The following NTN1 variants were observed in gnomAD, a reference collection of about 807,000 sequenced individuals.
The protein encoded by NTN1 is netrin-1.
In NTN1, 11 loss-of-function variants were observed where a neutral mutation model predicts 54.2. The observed-to-expected ratio is 0.20, with a 90% CI of 0.13 to 0.34. The LOEUF is 0.34. NTN1 is among the 10% of genes least tolerant of loss of function. NTN1 has a pLI of 1.00. For synonymous variants in NTN1, 371 were observed against 382.0 expected (o/e 0.97, Z 0.33); for missense variants, 740 against 893.1 (o/e 0.83, Z 2.18).
Position 9,150,700 on chromosome 17 carries a change from C to T in NTN1, c.1019-12113C>T, listed in dbSNP as rs57915303. Among the ~76,000 whole-genome samples the T allele has an allele frequency of 4.6e-3, 702 of 151,704 alleles. 4 individuals carry two copies. The highest frequency in any genetic ancestry group is 0.016 in the African/African-American group (672 of 41,328). ...TTGCAGCAAGGGCCTGGGACATGTT[C>T]GTTAGGAGGGGATTGTTTCAAAGCC... On this transcript the variant is annotated intron_variant, in intron 2 of 6. Transcript: ENST00000173229.
chr17:9,128,299 G>A (rs1193275761), intron 2 of NTN1, among the ~76,000 whole-genome samples: 1 of 128,814 alleles, frequency 7.8e-6, no homozygotes, highest in South Asian at 3.1e-4. Flanking sequence ...AACACAGTGA[G>A]ACTCTGTCTC....
chr17:9,048,571 C>T (rs1363117795), intron 2 of NTN1, among the ~76,000 whole-genome samples: 7 of 152,156 alleles, frequency 4.6e-5, no homozygotes, highest in Non-Finnish European at 4.4e-5. Context: ...GCATTGACTT[C>T]TCCTCTGTAT....
At chr17:9,126,462 A>T (rs897264715) in intron 2 of NTN1, among the ~76,000 whole-genome samples, 1 of 73,498 alleles carries the variant, frequency 1.4e-5, no homozygotes, top group Non-Finnish European at 2.6e-5. Context: ...GTGAGCCGAG[A>T]TCGTGCCATT....
chr17:9,092,078 C>T (rs965016496), intron 2 of NTN1, among the ~76,000 whole-genome samples: 12 of 151,834 alleles, frequency 7.9e-5, no homozygotes, highest in Non-Finnish European at 1.5e-4. Flanking sequence ...TTAGTAGAGA[C>T]GGGGTTTCAC....
chr17:9,016,048 TGG>T, the NTN1 span, among the ~76,000 whole-genome samples: 1 of 151,642 alleles, frequency 6.6e-6, no homozygotes, highest in Non-Finnish European at 1.5e-5. Flanking sequence ...CACTCCAGCC[TGG>T]GCGACAAGAG....
At chr17:9,105,660 TTCTCTCTCTC>T (rs72039051) in intron 2 of NTN1, among the ~76,000 whole-genome samples, 1 of 142,000 alleles carries the variant, frequency 7.0e-6, no homozygotes, top group Non-Finnish European at 1.6e-5. Flanking sequence ...CTCTCTCTCT[TTCTCTCTCTC>T]TCTCTCTCTC....
chr17:9,189,541 G>A (rs947308659), intron 5 of NTN1, among the ~76,000 whole-genome samples: 1 of 151,982 alleles, frequency 6.6e-6, no homozygotes. Context: ...TAGTAGAGAC[G>A]GGGTTTCACC....
intron 2 of NTN1, among the ~76,000 whole-genome samples, chr17:9,156,228 G>A (rs1235512195): frequency 2.7e-5 from 4 of 146,050 alleles, no homozygotes; most frequent in Non-Finnish European, 4.5e-5. Flanking sequence ...GATGGTGCCT[G>A]CGTGAGTTGG....
chr17:9,035,840 A>G (rs2091901716), intron 2 of NTN1, among the ~76,000 whole-genome samples: 1 of 152,074 alleles, frequency 6.6e-6, no homozygotes, highest in Non-Finnish European at 1.5e-5. Flanking sequence ...TGGCCAACAT[A>G]TTGAAACCCC....
chr17:9,136,411 T>G (rs2092281567), intron 2 of NTN1, among the ~76,000 whole-genome samples: 1 of 152,066 alleles, frequency 6.6e-6, no homozygotes, highest in Admixed American at 6.6e-5. Context: ...CCGTCTCTAC[T>G]AAAACAAATA....
At chr17:9,085,224 C>T (rs2092086375) in intron 2 of NTN1, among the ~76,000 whole-genome samples, 1 of 152,166 alleles carries the variant, frequency 6.6e-6, no homozygotes, top group African/African-American at 2.4e-5. Flanking sequence ...GATTGTCATC[C>T]AGAGCAGAAC....
intron 2 of NTN1, among the ~76,000 whole-genome samples, chr17:9,089,734 G>A (rs954789149): frequency 2.0e-5 from 3 of 152,134 alleles, no homozygotes; most frequent in Non-Finnish European, 2.9e-5. Flanking sequence ...CAAACACCAC[G>A]GCACTGGAGA....
intron 3 of NTN1, chr17:9,174,280 C>T (rs2092394527): frequency 6.6e-6 from 1 of 152,482 alleles, no homozygotes; most frequent in Admixed American, 6.5e-5. Flanking sequence ...GTGGTGACTT[C>T]CACAGGGAGC....
At chr17:9,021,472 G>C (rs2091847236), upstream of NTN1, 1 of 151,788 alleles carries the variant, frequency 6.6e-6, no homozygotes, top group Admixed American at 6.6e-5. Flanking sequence ...CCCGCCCGGC[G>C]GCCCCGCCCC....
chr17:9,224,108 C>G (rs1905455880), intron 6 of NTN1, among the ~76,000 whole-genome samples: 1 of 152,186 alleles, frequency 6.6e-6, no homozygotes, highest in African/African-American at 2.4e-5. Flanking sequence ...CAAAACTGAT[C>G]CTGTGTTCCA....
intron 2 of NTN1, among the ~76,000 whole-genome samples, chr17:9,061,629 T>C (rs1005811415): frequency 9.9e-5 from 15 of 152,178 alleles, no homozygotes; most frequent in Non-Finnish European, 2.2e-4. Flanking sequence ...TCTGTCCACA[T>C]TTGGAGAACC....
At chr17:9,231,380 G>A (rs11652483) in intron 6 of NTN1, among the ~76,000 whole-genome samples, 48,907 of 152,046 alleles carry the variant, frequency 0.32, 8,117 homozygotes, top group South Asian at 0.37. Flanking sequence ...CAGTTCATCC[G>A]GCAGCGCTCA....
intron 4 of NTN1, among the ~76,000 whole-genome samples, chr17:9,181,867 G>A (rs1319024967): frequency 1.3e-5 from 2 of 152,240 alleles, no homozygotes; most frequent in Non-Finnish European, 1.5e-5. Context: ...GAGCTTCAGT[G>A]CCAGGCTGCT....
rs533757555 is a variant in NTN1 at position 9,221,153 on chromosome 17, C to A, written c.1412-15C>A. 401 of 1,553,702 alleles carry A rather than the reference C, an allele frequency of 2.6e-4. 11 individuals carry two copies. In the South Asian group the frequency reaches 4.4e-3, roughly 17 times the overall value. On this transcript the variant is annotated splice_polypyrimidine_tract_variant and intron_variant, in intron 5 of 6. Transcript: ENST00000173229. This position sits in a 1 kb window ranked among gnomAD's most constrained non-coding sequence, Gnocchi z 4.5. The stretch of plus-strand genomic sequence containing the variant: ...AATTAGTTTTTGTCTGTGCTCCCCC[C>A]CCACCCCCCTGCAGACTGCGATTCC...
Sources: gnomAD v4.1 joint callset for allele counts (sites outside exome capture counted in the v4.1 genomes callset) on GRCh38, gnomAD v4.1.1 for gene constraint, Gnocchi (gnomAD v3.1) non-coding constraint, MANE v1.5 for transcripts, NCBI Gene and HGNC (gene_info 2026-07-23, HGNC 2026-07-21) for gene names.